Variants in ANKRD46 observed in about 807,000 individuals in gnomAD.
ANKRD46 encodes ankyrin repeat domain-containing protein 46.
In ANKRD46, 13 loss-of-function variants were observed where a neutral mutation model predicts 19.8. The observed-to-expected ratio is 0.66, with a 90% CI of 0.43 to 1.04. The LOEUF (loss-of-function observed/expected upper bound fraction) is 1.04. Among genes scored for constraint, ANKRD46 ranks in the 50% least tolerant of loss-of-function variants. The pLI, the probability that ANKRD46 is intolerant of heterozygous loss-of-function variation, is 0.00. For missense variants in ANKRD46, 185 were observed against 274.8 expected (o/e 0.67, Z 2.31); for synonymous variants, 91 against 106.9 (o/e 0.85, Z 0.92).
rs1811550652 is a variant in ANKRD46 at position 100,511,772 on chromosome 8, C to A, written c.637-1133G>T. ...GGCATGGTGGCTCACGCCTGTAATC[C>A]CAGCACTTTGGGAGGTCAATGCGGG... On this transcript the variant is annotated intron_variant, in intron 5 of 5. Transcript: ENST00000520552. The surrounding 1 kb of genome is among the most constrained non-coding windows in gnomAD (Gnocchi z 4.1). Among the ~76,000 whole-genome samples the A allele has an allele frequency of 6.6e-6, 1 of 152,186 alleles. No homozygotes were observed. The highest frequency in any genetic ancestry group is 2.4e-5 in the African/African-American group (1 of 41,444).
In ANKRD46 at chr8:100,550,208, A is replaced by G. The variant is rs1812355823; in HGVS notation, c.-131+9503T>C. ...AGGAGCATGATTGCTGGATGGTAAGAGTATGTTTAGTTTTTTTAAGAAACC... is the reference window on the plus strand; with the variant it reads ...AGGAGCATGATTGCTGGATGGTAAGGGTATGTTTAGTTTTTTTAAGAAACC... On this transcript the variant is annotated intron_variant, in intron 1 of 4. Transcript: ENST00000335659. This position sits in a 1 kb window ranked among gnomAD's most constrained non-coding sequence, Gnocchi z 4.4. Among the ~76,000 whole-genome samples, 1 of 152,178 alleles carries G rather than the reference A, an allele frequency of 6.6e-6. No homozygotes were observed. Among genetic ancestry groups the G allele is most frequent in the Admixed American group, 6.5e-5 (1 of 15,282 alleles).
downstream of ANKRD46, among the ~76,000 whole-genome samples, chr8:100,519,125 A>G (rs1471399728): frequency 6.6e-6 from 1 of 152,180 alleles, no homozygotes; most frequent in Non-Finnish European, 1.5e-5. Flanking sequence ...CCATTAGTCC[A>G]AGCTCAACAT....
rs1644942871 is a variant in ANKRD46, at chr8:100,546,121, C to T, written c.-130-12810G>A. Among the ~76,000 whole-genome samples the T allele has an allele frequency of 6.6e-6, 1 of 152,182 alleles. No homozygotes were observed. The highest frequency in any genetic ancestry group is 2.1e-4 in the South Asian group (1 of 4,828). ...AGCCTGACTGGTAGAAAAGAAAACCCCATTTTCTGGGGAGAAACTCAAGCA... is the reference window on the plus strand; with the variant it reads ...AGCCTGACTGGTAGAAAAGAAAACCTCATTTTCTGGGGAGAAACTCAAGCA... On this transcript the variant is annotated intron_variant, in intron 1 of 4. Transcript: ENST00000335659. The surrounding 1 kb of genome is among the most constrained non-coding windows in gnomAD (Gnocchi z 4.0).
intron 1 of ANKRD46, among the ~76,000 whole-genome samples, chr8:100,535,821 G>GTCCT (rs1812054467): frequency 6.6e-6 from 1 of 152,158 alleles, no homozygotes; most frequent in African/African-American, 2.4e-5. Flanking sequence ...GACATCTGGT[G>GTCCT]TCTCCAGTTT....
chr8:100,551,308 G>A (rs1812384643), intron 1 of ANKRD46: 1 of 532,186 alleles, frequency 1.9e-6, no homozygotes, highest in South Asian at 1.7e-5. Context: ...GACTTCTCAG[G>A]GATCATGCCC....
At chr8:100,513,953 G>A (rs1811589197) in intron 5 of ANKRD46, among the ~76,000 whole-genome samples, 1 of 152,184 alleles carries the variant, frequency 6.6e-6, no homozygotes, top group African/African-American at 2.4e-5. Flanking sequence ...CTTATGGACT[G>A]AAATTTCGGT....
At position 100,510,286 on chromosome 8, in the gene ANKRD46, T is replaced by C. The variant is rs1811529917; in HGVS notation, c.*291A>G. 2.7e-6 allele frequency: 1 copy of C among 365,044 alleles called. No homozygotes were observed. Among genetic ancestry groups the C allele is most frequent in the Non-Finnish European group, 4.9e-6 (1 of 202,522 alleles). The allele number at this position is 365,044 out of a possible 1,614,324, so 22.6% of individuals were successfully genotyped here. ...CAAGATCAAATGGATGTGATTTGCC[T>C]TGTGGAGGTGGCATCCTGCCCGGGC... On this transcript the variant is annotated 3_prime_UTR_variant, in exon 6 of 6. Coordinates refer to the ANKRD46 transcript ENST00000520552. The surrounding 1 kb of genome is among the most constrained non-coding windows in gnomAD (Gnocchi z 4.9).
chr8:100,528,130 T>G, intron 3 of ANKRD46, 127 bp from the exon 4 acceptor site: 24 of 1,014,584 alleles, frequency 2.4e-5, no homozygotes, highest in Non-Finnish European at 2.8e-5. Context: ...ATGGGCCCAA[T>G]TAGGGCCTAC....
intron 2 of ANKRD46, among the ~76,000 whole-genome samples, chr8:100,530,219 C>T (rs1309964563): frequency 6.6e-6 from 1 of 152,070 alleles, no homozygotes; most frequent in Non-Finnish European, 1.5e-5. Flanking sequence ...AAAGAACTAC[C>T]CATATATAAA....
In ANKRD46 at chr8:100,529,031, G is replaced by A. The variant is rs140920763; in HGVS notation, c.311+492C>T. Among the ~76,000 whole-genome samples the A allele has an allele frequency of 2.0e-5, 3 of 152,346 alleles. No individual in the cohort carries two copies. Among genetic ancestry groups the A allele is most frequent in the African/African-American group, 7.2e-5 (3 of 41,570 alleles). On this transcript the variant is annotated intron_variant, in intron 3 of 4. Transcript: ENST00000335659. This position sits in a 1 kb window ranked among gnomAD's most constrained non-coding sequence, Gnocchi z 5.8. ...GTTACATGACAGAAGGCACACAAGC[G>A]TTAGAGTCAGCGGAACTAGGTTCAA...
At chr8:100,558,092 T>G (rs895483309) in intron 1 of ANKRD46, among the ~76,000 whole-genome samples, 1 of 152,214 alleles carries the variant, frequency 6.6e-6, no homozygotes, top group Non-Finnish European at 1.5e-5. Context: ...ACGCTTGCTA[T>G]ATGAATGCCG....
At chr8:100,540,391 C>T (rs1268052091) in intron 1 of ANKRD46, among the ~76,000 whole-genome samples, 1 of 152,176 alleles carries the variant, frequency 6.6e-6, no homozygotes, top group Non-Finnish European at 1.5e-5. Context: ...TTTTACTTCA[C>T]AGAAAATATT....
At position 100,546,475 on chromosome 8, in the gene ANKRD46, G is replaced by C. The variant is rs1003186891; in HGVS notation, c.-130-13164C>G. On this transcript the variant is annotated intron_variant, in intron 1 of 4. Transcript: ENST00000335659. The surrounding 1 kb of genome is among the most constrained non-coding windows in gnomAD (Gnocchi z 4.0). ...GTGTTGGGCCTGTAGGTGTGCAGAA[G>C]ACAGGAGTTGAGCTTTGGGAACCTC... is the stretch of plus-strand genomic sequence containing the variant. Among the ~76,000 whole-genome samples the C allele has an allele frequency of 6.6e-6, 1 of 152,276 alleles. No individual in the cohort carries two copies. The highest frequency in any genetic ancestry group is 1.5e-5 in the Non-Finnish European group (1 of 68,048).
intron 1 of ANKRD46, among the ~76,000 whole-genome samples, chr8:100,540,195 TAAA>T (rs57942001): frequency 2.0e-5 from 3 of 147,734 alleles, no homozygotes; most frequent in South Asian, 2.1e-4. Flanking sequence ...ATTTCATGAG[TAAA>T]AAAAAAAAAG....
intron 2 of ANKRD46, among the ~76,000 whole-genome samples, chr8:100,530,297 T>C (rs558883088): frequency 8.4e-4 from 128 of 152,360 alleles, no homozygotes; most frequent in Middle Eastern, 3.4e-3. Context: ...CTTCTTCTTG[T>C]ATTTGAGATA....
Position 100,510,748 on chromosome 8 carries a change from C to A in ANKRD46, c.637-109G>T. On this transcript the variant is annotated intron_variant, in intron 5 of 5. Coordinates refer to the ANKRD46 transcript ENST00000520552. The surrounding 1 kb of genome is among the most constrained non-coding windows in gnomAD (Gnocchi z 4.9). ...ATCATAAATATATAGAACCAGAAAG[C>A]ACAGGCTTGCTTCTCCTCTGCCCAT... is the stretch of plus-strand genomic sequence containing the variant. 9.9e-7 allele frequency: 1 copy of A among 1,011,048 alleles called. No homozygotes were observed. 62.6% of individuals were successfully genotyped at this position (1,011,048 alleles called of 1,614,324 possible).
At chr8:100,512,815 G>A (rs1811567615) in intron 5 of ANKRD46, among the ~76,000 whole-genome samples, 1 of 152,210 alleles carries the variant, frequency 6.6e-6, no homozygotes, top group African/African-American at 2.4e-5. Context: ...GAGTGTCACA[G>A]GATGTGCATT....
rs116731987 is a variant in ANKRD46, at chr8:100,546,876, C to T, written c.-131+12835G>A. Among the ~76,000 whole-genome samples, 1,158 of 152,336 alleles carry T rather than the reference C, an allele frequency of 7.6e-3. 18 individuals carry two copies. Among genetic ancestry groups the T allele is most frequent in the African/African-American group, 0.026 (1,074 of 41,584 alleles). On this transcript the variant is annotated intron_variant, in intron 1 of 4. Coordinates refer to ENST00000335659, the MANE Select transcript of ANKRD46 (RefSeq NM_001270377.2). This position sits in a 1 kb window ranked among gnomAD's most constrained non-coding sequence, Gnocchi z 4.0. Reference sequence around the variant, plus strand: ...AAAGGAGATTTTGGAGTTTAAGATTCAATGACTGCCTGGCTGGGTTTCAGA... The same window carrying T: ...AAAGGAGATTTTGGAGTTTAAGATTTAATGACTGCCTGGCTGGGTTTCAGA...
At chr8:100,518,578 G>A (rs1811671041), downstream of ANKRD46, among the ~76,000 whole-genome samples, 2 of 152,168 alleles carry the variant, frequency 1.3e-5, no homozygotes, top group African/African-American at 4.8e-5. Flanking sequence ...CAGGCCGGGT[G>A]GGGTGGCTCA....
Sources: allele counts gnomAD v4.1 joint callset (sites outside exome capture counted in the v4.1 genomes callset), GRCh38; gene constraint gnomAD v4.1.1; non-coding constraint Gnocchi (gnomAD v3.1); transcripts MANE v1.5; gene names NCBI Gene and HGNC (gene_info 2026-07-23, HGNC 2026-07-21).